Variants in CALM3 observed in about 807,000 individuals in gnomAD.
CALM3 encodes calmodulin 3.
CALM3 carries 5 observed loss-of-function variants against 20.1 expected under a neutral mutation model. The ratio of observed to expected loss-of-function variants is 0.25; its 90% CI spans 0.13 to 0.52. CALM3 has a LOEUF of 0.52. CALM3 is among the 20% of genes least tolerant of loss of function. The pLI, the probability that CALM3 is intolerant of heterozygous loss-of-function variation, is 0.96. For synonymous variants in CALM3, 69 were observed against 68.1 expected (o/e 1.01, Z -0.06); for missense variants, 57 against 192.8 (o/e 0.30, Z 4.17).
chr19:46,602,226 G>T (rs1484195422), intron 1 of CALM3: 1 of 1,349,886 alleles, frequency 7.4e-7, no homozygotes, highest in Non-Finnish European at 9.9e-7. Context: ...AGTGGGGCTC[G>T]CCAGTAGTCG....
At chr19:46,601,272 G>A (rs1029207122), upstream of CALM3, 3 of 455,744 alleles carry the variant, frequency 6.6e-6, no homozygotes, top group African/African-American at 6.4e-5. The surrounding 1 kb of genome is among the most constrained non-coding windows in gnomAD (Gnocchi z 4.2). Context: ...CGCGCGCGGC[G>A]GCCGTTGAGG....
chr19:46,605,533 C>T lies in CALM3; in HGVS notation c.4-294C>T, dbSNP rs561433125. On this transcript the variant is annotated intron_variant, in intron 1 of 5. Transcript: ENST00000291295. This position sits in a 1 kb window ranked among gnomAD's most constrained non-coding sequence, Gnocchi z 4.1. ...GCAGGCTTTTCTCCCGCCCCTGTGG[C>T]TCCCACATGCTGAGTTGAGATTGGA... 7.9e-5 allele frequency among the ~76,000 whole-genome samples: 12 copies of T among 152,378 alleles called. No homozygotes were observed. Among genetic ancestry groups the T allele is most frequent in the South Asian group, 4.1e-4 (2 of 4,832 alleles).
Position 46,609,583 on chromosome 19 carries a change from C to G in CALM3, c.*430C>G, listed in dbSNP as rs1177972061. 1.0e-5 allele frequency: 2 copies of G among 193,402 alleles called. No homozygotes were observed. The highest frequency in any genetic ancestry group is 4.7e-5 in the African/African-American group (2 of 42,690). 12.0% of individuals were successfully genotyped at this position (193,402 alleles called of 1,614,324 possible). ...TGCTGGGAGGGACAAGAGGCCCTCC[C>G]CCAGGCAGAAGAGCATGCCCTTTGC... On this transcript the variant is annotated 3_prime_UTR_variant, in exon 6 of 6. Transcript: ENST00000291295.
At chr19:46,606,907 C>A (rs1409138898) in intron 2 of CALM3, among the ~76,000 whole-genome samples, 1 of 152,204 alleles carries the variant, frequency 6.6e-6, no homozygotes, top group Non-Finnish European at 1.5e-5. Context: ...CAGCCCCCAG[C>A]TCTGCTGTCA....
At chr19:46,609,053 C>T in intron 5 of CALM3, 72 bp downstream of exon 5, 1 of 1,613,094 alleles carries the variant, frequency 6.2e-7, no homozygotes, top group Admixed American at 1.7e-5. Flanking sequence ...CCCCAGATCC[C>T]TCTTGTTGGG....
intron 1 of CALM3, among the ~76,000 whole-genome samples, chr19:46,604,764 A>T (rs917525468): frequency 3.3e-5 from 5 of 152,086 alleles, no homozygotes; most frequent in African/African-American, 9.7e-5. Flanking sequence ...TGATTGTGAA[A>T]GGAAGGGGAA....
chr19:46,601,443 T>C lies in CALM3; in HGVS notation c.3+6T>C. 6.7e-7 allele frequency: 1 copy of C among 1,497,942 alleles called. No individual in the cohort carries two copies. Among genetic ancestry groups the C allele is most frequent in the Non-Finnish European group, 8.9e-7 (1 of 1,124,276 alleles). The allele number at this position is 1,497,942 out of a possible 1,614,324, so 92.8% of individuals were successfully genotyped here. A position where few individuals can be genotyped will look rare whatever the true frequency, so the allele number is the denominator to read the frequency against. On this transcript the variant is annotated splice_donor_region_variant and intron_variant, in intron 1 of 5. Coordinates refer to ENST00000291295, the MANE Select transcript of CALM3 (RefSeq NM_005184.4). The surrounding 1 kb of genome is among the most constrained non-coding windows in gnomAD (Gnocchi z 4.2). ...ACACCCCGGGCCTCGCCATGGTGAG[T>C]GAGGCTGGGGGGTCGCCGAGGCTGC...
intron 5 of CALM3, 50 bp from the exon 6 acceptor site, chr19:46,609,075 G>A (rs765760249): frequency 1.5e-5 from 25 of 1,613,182 alleles, no homozygotes; most frequent in South Asian, 5.5e-5. Context: ...AGGGCCGCTC[G>A]CCACTTAGCC....
Position 46,610,466 on chromosome 19 carries a change from C to T in CALM3, c.*1313C>T, listed in dbSNP as rs1971858961. The stretch of plus-strand genomic sequence containing the variant: ...GTTCATTTCATCTGGCTCCCCCCAC[C>T]ACCTCCCCACCCCACCCCCCACCCC... On this transcript the variant is annotated 3_prime_UTR_variant, in exon 6 of 6. Transcript: ENST00000291295. 1 of 143,918 alleles carries T rather than the reference C, an allele frequency of 6.9e-6. No individual in the cohort carries two copies. The highest frequency in any genetic ancestry group is 2.1e-4 in the East Asian group (1 of 4,820). The allele number at this position is 143,918 out of a possible 1,614,324, so 8.9% of individuals were successfully genotyped here.
At chr19:46,604,777 G>A (rs1315638907) in intron 1 of CALM3, among the ~76,000 whole-genome samples, 1 of 152,074 alleles carries the variant, frequency 6.6e-6, no homozygotes, top group Non-Finnish European at 1.5e-5. Flanking sequence ...AAGGGGAACA[G>A]ACCCACCATG....
In CALM3 at chr19:46,608,680, A is replaced by C. The variant is rs1971798024; in HGVS notation, c.285+92A>C. On this transcript the variant is annotated intron_variant, in intron 4 of 5. Transcript: ENST00000291295. This position sits in a 1 kb window ranked among gnomAD's most constrained non-coding sequence, Gnocchi z 5.5. ...GAGCCACGGAGCTACCACTTCCAGG[A>C]GGTCCGGGTCCCGGTGCCAGCCTCA... The C allele has an allele frequency of 7.7e-7, 1 of 1,300,710 alleles. No homozygotes were observed. Among genetic ancestry groups the C allele is most frequent in the Non-Finnish European group, 1.1e-6 (1 of 918,708 alleles). 80.6% of individuals were successfully genotyped at this position (1,300,710 alleles called of 1,614,324 possible).
intron 2 of CALM3, among the ~76,000 whole-genome samples, chr19:46,606,860 G>T (rs56264631): frequency 0.14 from 20,851 of 152,080 alleles, 1,920 homozygotes; most frequent in Non-Finnish European, 0.2. Context: ...CCAGAGTAGC[G>T]ATCCAGAGAA....
upstream of CALM3, chr19:46,601,316 C>G (rs1971608426): frequency 1.1e-6 from 1 of 951,542 alleles, no homozygotes; most frequent in East Asian, 3.9e-5. The surrounding 1 kb of genome is among the most constrained non-coding windows in gnomAD (Gnocchi z 4.2). Flanking sequence ...GCGGCGGCGG[C>G]GCGCGCTGCG....
intron 2 of CALM3, chr19:46,606,165 T>A: frequency 3.1e-6 from 1 of 320,644 alleles, no homozygotes. Flanking sequence ...TCTCCCAGCT[T>A]CAGCCAGGTT....
Position 46,609,175 on chromosome 19 carries a change from A to G in CALM3, c.*22A>G. On this transcript the variant is annotated 3_prime_UTR_variant, in exon 6 of 6. Transcript: ENST00000291295. The stretch of plus-strand genomic sequence containing the variant: ...GTGAAGGCCCCCCGGGCAGCTGGCG[A>G]TGCCCGTTCTCTTGATCTCTCTCTT... The G allele has an allele frequency of 1.2e-6, 2 of 1,612,672 alleles. No homozygotes were observed. Among genetic ancestry groups the G allele is most frequent in the Non-Finnish European group, 1.7e-6 (2 of 1,179,052 alleles).
chr19:46,608,643 CA>C lies in CALM3; in HGVS notation c.285+56del. ...AGACTGACGCCAGCCTTCAGGCAGA[CA>C]GGCGGAACTGGAGCCACGGAGCTAC... is the stretch of plus-strand genomic sequence containing the variant. On this transcript the variant is annotated intron_variant, in intron 4 of 5. Transcript: ENST00000291295. The surrounding 1 kb of genome is among the most constrained non-coding windows in gnomAD (Gnocchi z 5.5). The C allele has an allele frequency of 6.8e-7, 1 of 1,470,100 alleles. No individual in the cohort carries two copies. Among genetic ancestry groups the C allele is most frequent in the Non-Finnish European group, 9.5e-7 (1 of 1,053,862 alleles). The allele number at this position is 1,470,100 out of a possible 1,614,324, so 91.1% of individuals were successfully genotyped here.
intron 2 of CALM3, among the ~76,000 whole-genome samples, chr19:46,606,860 G>C (rs56264631): frequency 2.0e-5 from 3 of 152,000 alleles, no homozygotes; most frequent in African/African-American, 2.4e-5. Context: ...CCAGAGTAGC[G>C]ATCCAGAGAA....
chr19:46,601,167 G>A, upstream of CALM3: 1 of 557,968 alleles, frequency 1.8e-6, no homozygotes. The surrounding 1 kb of genome is among the most constrained non-coding windows in gnomAD (Gnocchi z 4.2). Flanking sequence ...AGAGATTCGC[G>A]GGCCCGTAGG....
chr19:46,608,259 T>C lies in CALM3; in HGVS notation c.97T>C (p.Leu33=), dbSNP rs375684773. 20 of 1,613,704 alleles carry C rather than the reference T, an allele frequency of 1.2e-5. No homozygotes were observed. Among genetic ancestry groups the C allele is most frequent in the South Asian group, 2.2e-5 (2 of 91,070 alleles). The change falls in exon 3 of 6, where the codon TTG becomes CTG. Residue 33 remains leucine, a synonymous_variant. Coordinates refer to ENST00000291295, the MANE Select transcript of CALM3 (RefSeq NM_005184.4). The surrounding 1 kb of genome is among the most constrained non-coding windows in gnomAD (Gnocchi z 5.5). ...AGATGGCACTATCACCACCAAGGAGTTGGGGACAGTGATGAGATCCCTGGG... is the reference window on the plus strand; with the variant it reads ...AGATGGCACTATCACCACCAAGGAGCTGGGGACAGTGATGAGATCCCTGGG... ...DGDGTITTKE[L]GTVMRSLGQN...
Sources: allele counts gnomAD v4.1 joint callset (sites outside exome capture counted in the v4.1 genomes callset), GRCh38; gene constraint gnomAD v4.1.1; non-coding constraint Gnocchi (gnomAD v3.1); transcripts MANE v1.5; gene names NCBI Gene and HGNC (gene_info 2026-07-23, HGNC 2026-07-21).